Variants in MCC observed in about 807,000 individuals in gnomAD.
MCC encodes the protein colorectal mutant cancer protein.
In MCC, 90 loss-of-function variants were observed where a neutral mutation model predicts 116.2. The observed-to-expected ratio is 0.77, with a 90% CI of 0.65 to 0.92. MCC has a LOEUF of 0.92. Among genes scored for constraint, MCC ranks in the 40% least tolerant of loss-of-function variants. MCC has a pLI of 0.00. For missense variants in MCC, 1,516 were observed against 1,312.2 expected (o/e 1.16, Z -2.40); for synonymous variants, 578 against 510.5 (o/e 1.13, Z -1.78).
chr5:113,132,443 TACACACACACACACACACACACAC>T (rs140363649), intron 5 of MCC, among the ~76,000 whole-genome samples: 14 of 36,556 alleles, frequency 3.8e-4, no homozygotes, highest in Non-Finnish European at 6.0e-4. Flanking sequence ...TATATATATA[TACACACACACACACACACACACAC>T]ACACACACAC....
intron 1 of MCC, among the ~76,000 whole-genome samples, chr5:113,399,755 A>AT (rs1322341831): frequency 6.6e-6 from 1 of 152,136 alleles, no homozygotes; most frequent in Non-Finnish European, 1.5e-5. Context: ...TGGTTGAAAG[A>AT]TTTATAGGAC....
At chr5:113,471,953 C>A (rs192906227) in intron 1 of MCC, among the ~76,000 whole-genome samples, 2 of 152,212 alleles carry the variant, frequency 1.3e-5, no homozygotes, top group East Asian at 3.9e-4. Context: ...GGCGTGGGAC[C>A]CTTCGAGCCA....
chr5:113,079,153 T>C (rs1230667843), intron 11 of MCC, among the ~76,000 whole-genome samples: 1 of 151,632 alleles, frequency 6.6e-6, no homozygotes, highest in Non-Finnish European at 1.5e-5. Flanking sequence ...CTCAACGAAA[T>C]AGAAGAAACA....
intron 5 of MCC, among the ~76,000 whole-genome samples, chr5:113,126,949 T>C (rs1758088547): frequency 6.6e-6 from 1 of 151,928 alleles, no homozygotes; most frequent in South Asian, 2.1e-4. Flanking sequence ...TCTTGGGGGG[T>C]TTGTTGTACA....
intron 3 of MCC, among the ~76,000 whole-genome samples, chr5:113,288,414 T>C (rs1280571076): frequency 2.0e-5 from 3 of 151,992 alleles, no homozygotes; most frequent in Admixed American, 6.5e-5. Flanking sequence ...CAGGTTGTAA[T>C]ATTCCACCTT....
At chr5:113,264,047 GAA>G (rs1288595064) in intron 3 of MCC, among the ~76,000 whole-genome samples, 39 of 152,232 alleles carry the variant, frequency 2.6e-4, no homozygotes, top group African/African-American at 8.4e-4. Flanking sequence ...TTCTGGGAAT[GAA>G]AAGAGGCACT....
intron 6 of MCC, among the ~76,000 whole-genome samples, chr5:113,105,931 T>C (rs1756703830): frequency 6.6e-6 from 1 of 152,208 alleles, no homozygotes; most frequent in Non-Finnish European, 1.5e-5. Context: ...GGCTGCACCA[T>C]GTCCCTGGGG....
intron 1 of MCC, among the ~76,000 whole-genome samples, chr5:113,417,869 G>A (rs1469134204): frequency 6.6e-6 from 1 of 151,790 alleles, no homozygotes; most frequent in Non-Finnish European, 1.5e-5. Flanking sequence ...GGAGATCAAG[G>A]CTACAGTGAG....
chr5:113,067,031 C>G (rs959747991), intron 13 of MCC, among the ~76,000 whole-genome samples: 1 of 152,224 alleles, frequency 6.6e-6, no homozygotes, highest in Non-Finnish European at 1.5e-5. Flanking sequence ...TACTGCAGTC[C>G]TCCCCACATC....
chr5:113,453,230 C>A (rs1771450012), intron 1 of MCC, among the ~76,000 whole-genome samples: 1 of 152,008 alleles, frequency 6.6e-6, no homozygotes, highest in East Asian at 1.9e-4. Flanking sequence ...TCTGAAACTC[C>A]TCCAATGCCT....
intron 8 of MCC, among the ~76,000 whole-genome samples, chr5:113,100,619 A>C (rs933360848): frequency 6.6e-6 from 1 of 151,944 alleles, no homozygotes; most frequent in African/African-American, 2.4e-5. Context: ...CTACAGGCAC[A>C]CAGCACCATG....
chr5:113,042,696 T>C (rs4276396), intron 17 of MCC, among the ~76,000 whole-genome samples: 143,529 of 151,936 alleles, frequency 0.94, 68,032 homozygotes, highest in East Asian at 1. Context: ...GCCACAACCA[T>C]ATGTGGCTCT....
intron 5 of MCC, among the ~76,000 whole-genome samples, chr5:113,135,798 C>A (rs550027845): frequency 4.6e-5 from 7 of 152,214 alleles, no homozygotes; most frequent in Non-Finnish European, 8.8e-5. Flanking sequence ...AATCCCAGCA[C>A]TTTGGGAGGC....
At chr5:113,046,642 A>G (rs1752091530) in intron 16 of MCC, among the ~76,000 whole-genome samples, 1 of 145,746 alleles carries the variant, frequency 6.9e-6, no homozygotes, top group African/African-American at 2.6e-5. Context: ...ACACACAAAC[A>G]CTAGCGCTCT....
intron 1 of MCC, among the ~76,000 whole-genome samples, chr5:113,481,810 T>C (rs1772385876): frequency 6.6e-6 from 1 of 152,350 alleles, no homozygotes; most frequent in South Asian, 2.1e-4. Context: ...TATACCATAA[T>C]GTTCACCCAC....
rs961247526 is a variant in MCC at position 113,073,807 on chromosome 5, G to T, written c.1785-2573C>A. Among the ~76,000 whole-genome samples the T allele has an allele frequency of 2.4e-4, 37 of 152,208 alleles. 1 individual carries two copies. The highest frequency in any genetic ancestry group is 8.7e-4 in the African/African-American group (36 of 41,448). ...TAGCACAGCAGTCTGAGATCAAACT[G>T]CAAGGCCACAGCGAGGTTGGGGGAC... On this transcript the variant is annotated intron_variant, in intron 11 of 18. Transcript: ENST00000408903.
chr5:113,182,847 T>C (rs1761701985), intron 3 of MCC, among the ~76,000 whole-genome samples: 1 of 152,160 alleles, frequency 6.6e-6, no homozygotes, highest in Non-Finnish European at 1.5e-5. Context: ...CGGGAAGGTA[T>C]AAACACCCAA....
chr5:113,148,907 C>T (rs1167501501), intron 4 of MCC, among the ~76,000 whole-genome samples: 1 of 152,150 alleles, frequency 6.6e-6, no homozygotes, highest in African/African-American at 2.4e-5. Flanking sequence ...AAAGCTATTA[C>T]ATGAGGATGG....
chr5:113,253,743 A>G (rs905473819), intron 3 of MCC, among the ~76,000 whole-genome samples: 1 of 152,198 alleles, frequency 6.6e-6, no homozygotes, highest in Non-Finnish European at 1.5e-5. Context: ...TAACTCATGG[A>G]GCTAAAGCAG....
Sources: allele counts gnomAD v4.1 joint callset (sites outside exome capture counted in the v4.1 genomes callset), GRCh38; gene constraint gnomAD v4.1.1; transcripts MANE v1.5; gene names NCBI Gene and HGNC (gene_info 2026-07-23, HGNC 2026-07-21).